Variants in NCOR2 observed in about 807,000 individuals in gnomAD.
NCOR2 encodes nuclear receptor corepressor 2.
NCOR2 carries 81 observed loss-of-function variants against 262.9 expected under a neutral mutation model. The observed-to-expected ratio is 0.31, with a 90% CI of 0.26 to 0.37. The LOEUF (loss-of-function observed/expected upper bound fraction) is 0.37, where lower values mean the gene tolerates loss of function less well. NCOR2 is among the 10% of genes least tolerant of loss of function. The probability of loss-of-function intolerance (pLI) is 1.00; values close to 1 mark genes in which losing one functional copy is unlikely to be tolerated. For synonymous variants in NCOR2, 1,659 were observed against 1,559.3 expected (o/e 1.06, Z -1.51); for missense variants, 3,385 against 3,621.4 (o/e 0.93, Z 1.68).
chr12:124,519,089 T>TACACACACACACACACACACACACACAC (rs57438929), intron 1 of NCOR2, among the ~76,000 whole-genome samples: 3 of 97,316 alleles, frequency 3.1e-5, no homozygotes, highest in Non-Finnish European at 4.4e-5. Context: ...GGCCAAATAA[T>TACACACACACACACACACACACACACAC]ACACACACAC....
chr12:124,484,744 G>A lies in NCOR2; in HGVS notation c.234-971C>T, dbSNP rs561354563. Among the ~76,000 whole-genome samples, 418 of 152,246 alleles carry A rather than the reference G, an allele frequency of 2.7e-3. 2 individuals are homozygous for A. Among genetic ancestry groups the A allele is most frequent in the Non-Finnish European group, 5.1e-3 (349 of 67,994 alleles). ...TCCCAGGCCAGACCACACTACACCC[G>A]CCTGTCTGCTCTCTCTCCACTGCCC... On this transcript the variant is annotated intron_variant, in intron 2 of 46. Transcript: ENST00000405201.
At chr12:124,472,202 G>A (rs564563811) in intron 4 of NCOR2, among the ~76,000 whole-genome samples, 3 of 152,144 alleles carry the variant, frequency 2.0e-5, no homozygotes, top group South Asian at 2.1e-4. Context: ...TGAAGAGCTG[G>A]GAAAAGGCAG....
chr12:124,325,374 A>AC (rs2034531199), exon 47 of NCOR2: 4 of 316,852 alleles, frequency 1.3e-5, no homozygotes, highest in South Asian at 1.0e-4. Flanking sequence ...GGGACCTGAC[A>AC]CCGCCCCCCC....
chr12:124,412,271 C>G (rs2042625681), intron 13 of NCOR2, among the ~76,000 whole-genome samples: 1 of 152,264 alleles, frequency 6.6e-6, no homozygotes, highest in South Asian at 2.1e-4. Context: ...TGCTTTGGTA[C>G]AGGGCACATG....
intron 3 of NCOR2, among the ~76,000 whole-genome samples, chr12:124,475,284 A>G (rs1451688407): frequency 6.6e-6 from 1 of 152,092 alleles, no homozygotes; most frequent in East Asian, 1.9e-4. Flanking sequence ...GACACCTAGA[A>G]ATCACACCTG....
intron 1 of NCOR2, among the ~76,000 whole-genome samples, chr12:124,492,935 A>G (rs1371061006): frequency 6.6e-6 from 1 of 152,166 alleles, no homozygotes; most frequent in Non-Finnish European, 1.5e-5. Flanking sequence ...AGGGTCCGAT[A>G]TGGGGCAGCT....
chr12:124,339,187 C>G (rs1163980319), intron 37 of NCOR2, among the ~76,000 whole-genome samples: 1 of 143,718 alleles, frequency 7.0e-6, no homozygotes, highest in Non-Finnish European at 1.5e-5. Context: ...CTCTTACCCA[C>G]CCATCTACCT....
chr12:124,541,473 G>A (rs1291166485), intron 1 of NCOR2, among the ~76,000 whole-genome samples: 2 of 26,162 alleles, frequency 7.6e-5, no homozygotes, highest in Admixed American at 3.6e-4. Context: ...GGAGGGGGAC[G>A]GGGAGTGGAG....
chr12:124,428,086 T>TGTGTGTGTGC (rs958627720), intron 10 of NCOR2, among the ~76,000 whole-genome samples: 7 of 147,164 alleles, frequency 4.8e-5, no homozygotes, highest in Middle Eastern at 3.6e-3. Flanking sequence ...TGTGTGTGTG[T>TGTGTGTGTGC]GTACATGCAA....
chr12:124,456,997 C>T (rs906306), intron 6 of NCOR2, 109 bp downstream of exon 8: 72,775 of 965,870 alleles, frequency 0.075, 4,349 homozygotes, highest in East Asian at 0.12. Context: ...GCCTGGGCAG[C>T]GCTTGGTAAT....
exon 23 of NCOR2, chr12:124,356,746 G>A (rs2037984233): frequency 1.3e-6 from 2 of 1,494,756 alleles, no homozygotes; most frequent in Non-Finnish European, 1.8e-6. Flanking sequence ...CCAGCAAGGG[G>A]GGTCCCCAGG....
At chr12:124,452,742 C>T (rs1407134458) in intron 6 of NCOR2, among the ~76,000 whole-genome samples, 1 of 152,200 alleles carries the variant, frequency 6.6e-6, no homozygotes, top group East Asian at 1.9e-4. Context: ...CCCGGTCAGC[C>T]TCCAACCCAC....
rs2044968365 is a variant in NCOR2, at chr12:124,443,649, C to T, written c.816-5653G>A. 6.6e-6 allele frequency among the ~76,000 whole-genome samples: 1 copy of T among 152,016 alleles called. No homozygotes were observed. Among genetic ancestry groups the T allele is most frequent in the South Asian group, 2.1e-4 (1 of 4,810 alleles). On this transcript the variant is annotated intron_variant, in intron 7 of 46. Coordinates refer to ENST00000405201, the Ensembl canonical transcript of NCOR2. The surrounding 1 kb of genome is among the most constrained non-coding windows in gnomAD (Gnocchi z 4.4). ...TCCCAAGTAACTGGGGCTATAGGCACGTGCCACTACGCCCAGCTAATTTTC... is the reference window on the plus strand; with the variant it reads ...TCCCAAGTAACTGGGGCTATAGGCATGTGCCACTACGCCCAGCTAATTTTC...
At chr12:124,438,169 T>C (rs115211317) in intron 7 of NCOR2, among the ~76,000 whole-genome samples, 173 bp from the exon 10 acceptor site, 2,016 of 151,974 alleles carry the variant, frequency 0.013, 53 homozygotes, top group African/African-American at 0.046. Context: ...CCAACGTGCA[T>C]CCTTACTCCC....
exon 47 of NCOR2, chr12:124,325,300 T>A: frequency 1.4e-6 from 1 of 731,500 alleles, no homozygotes; most frequent in Non-Finnish European, 2.0e-6. Flanking sequence ...ACTCAGGGGC[T>A]CCTTCCTTGG....
intron 16 of NCOR2, among the ~76,000 whole-genome samples, chr12:124,395,696 G>C (rs1302973627): frequency 6.6e-6 from 1 of 152,130 alleles, no homozygotes; most frequent in Non-Finnish European, 1.5e-5. Flanking sequence ...AATGGGCGGT[G>C]GGGGCGGGGG....
At position 124,385,874 on chromosome 12, in the gene NCOR2, G is replaced by A. The variant is rs748585756; in HGVS notation, c.1890C>T (p.His630=). Residue 630 remains histidine (H), a synonymous_variant, in exon 17 of 47, where the codon CAC becomes CAT. Coordinates refer to ENST00000405201, the Ensembl canonical transcript of NCOR2. The stretch of plus-strand genomic sequence containing the variant: ...GGGCGATGGCCGACCAGTTGCGGCC[G>A]TGTTCCAGGAGACCTGTCTCAGGAG... 55 of 1,613,236 alleles carry A rather than the reference G, an allele frequency of 3.4e-5. 1 individual carries two copies. The highest frequency in any genetic ancestry group is 9.9e-5 in the South Asian group (9 of 91,014).
At chr12:124,551,999 T>G (rs528295569) in intron 1 of NCOR2, among the ~76,000 whole-genome samples, 26 of 151,788 alleles carry the variant, frequency 1.7e-4, no homozygotes, top group Non-Finnish European at 2.4e-4. Flanking sequence ...GTACTCCAGC[T>G]GGACTTAAGG....
intron 1 of NCOR2, among the ~76,000 whole-genome samples, chr12:124,510,466 C>G (rs1039311744): frequency 1.3e-5 from 2 of 152,234 alleles, no homozygotes; most frequent in Non-Finnish European, 2.9e-5. Flanking sequence ...CACAGCGCCC[C>G]CGTGAGGGAT....
Sources: gnomAD v4.1 joint callset for allele counts (sites outside exome capture counted in the v4.1 genomes callset) on GRCh38, gnomAD v4.1.1 for gene constraint, Gnocchi (gnomAD v3.1) non-coding constraint, MANE v1.5 for transcripts, NCBI Gene and HGNC (gene_info 2026-07-23, HGNC 2026-07-21) for gene names.